The following UMOD variants were observed in gnomAD, a reference collection of about 807,000 sequenced individuals.
The protein encoded by UMOD is uromodulin, also known as Tamm-Horsfall urinary glycoprotein.
Under a neutral mutation model 66.0 loss-of-function variants are expected in UMOD, and 64 were observed. That is an observed-to-expected ratio of 0.97 (90% CI 0.79 to 1.19). The LOEUF (loss-of-function observed/expected upper bound fraction) is 1.19. UMOD is among the 50% of genes most tolerant of loss of function. The probability of loss-of-function intolerance (pLI) is 0.00; values close to 1 mark genes in which losing one functional copy is unlikely to be tolerated. For synonymous variants in UMOD, 398 were observed against 352.7 expected, an observed-to-expected ratio of 1.13 and a Z score of -1.44; for missense variants, 764 against 850.9, an observed-to-expected ratio of 0.90 and a Z score of 1.27.
Position 20,337,436 on chromosome 16 carries a change from T to A in UMOD, c.1595A>T (p.Asp532Val). ...IIQDRCPHTRDSTIQVVENGE... is the reference protein window; with the variant it reads ...IIQDRCPHTRVSTIQVVENGE... ...ATTCTCCACCACTTGGATAGTTGAG[T>A]CTCTAGTGTGTGGGCATCTGGGAGG... Residue 532 changes from aspartate (D) to valine (V), a missense_variant, in exon 8 of 11, where the codon GAC (aspartate) becomes GTC (valine). Coordinates refer to ENST00000396138, the MANE Select transcript of UMOD (RefSeq NM_003361.4). 1 of 1,614,108 alleles carries A rather than the reference T, an allele frequency of 6.2e-7. No homozygotes were observed. Among genetic ancestry groups the A allele is most frequent in the Non-Finnish European group, 8.5e-7 (1 of 1,180,032 alleles).
chr16:20,340,991 CAAAAAA>C (rs560216745), intron 7 of UMOD, 94 bp downstream of exon 7: 46 of 1,029,004 alleles, frequency 4.5e-5, no homozygotes, highest in African/African-American at 7.3e-5. Flanking sequence ...AAGACTCTGT[CAAAAAA>C]AAAAAAAAAA....
chr16:20,350,889 A>C, intron 1 of UMOD, 50 bp from the exon 2 acceptor site: 2 of 1,495,844 alleles, frequency 1.3e-6, no homozygotes, highest in Non-Finnish European at 1.8e-6. Flanking sequence ...TCTCCTCCCC[A>C]CAGCTGGAAG....
At chr16:20,349,390 C>T (rs1436277912) in intron 2 of UMOD, among the ~76,000 whole-genome samples, 178 bp from the exon 3 acceptor site, 2 of 152,226 alleles carry the variant, frequency 1.3e-5, no homozygotes, top group Non-Finnish European at 2.9e-5. Context: ...CAAGCCTCCA[C>T]CGTTCATTCT....
chr16:20,340,730 C>T (rs560490893), intron 7 of UMOD, among the ~76,000 whole-genome samples: 4 of 151,966 alleles, frequency 2.6e-5, no homozygotes, highest in African/African-American at 4.8e-5. Flanking sequence ...CGTGGTGGCT[C>T]ACACCTGTAA....
At chr16:20,355,102 T>G (rs1343513360), upstream of UMOD, among the ~76,000 whole-genome samples, 1 of 152,268 alleles carries the variant, frequency 6.6e-6, no homozygotes, top group Non-Finnish European at 1.5e-5. Flanking sequence ...TCCCTTGCTC[T>G]CTTTGCTTCC....
chr16:20,349,466 C>A (rs1965781563), intron 2 of UMOD, among the ~76,000 whole-genome samples: 1 of 152,152 alleles, frequency 6.6e-6, no homozygotes, highest in South Asian at 2.1e-4. Flanking sequence ...CTCTGTCGCC[C>A]AGGCTGGAGT....
At chr16:20,352,389 C>T (rs1038752054) in intron 1 of UMOD, among the ~76,000 whole-genome samples, 4 of 152,122 alleles carry the variant, frequency 2.6e-5, no homozygotes, top group African/African-American at 4.8e-5. Context: ...TGACATATGT[C>T]GAGCAGGGCC....
At chr16:20,344,276 A>G in intron 5 of UMOD, 104 bp from the exon 6 acceptor site, 2 of 1,171,314 alleles carry the variant, frequency 1.7e-6, no homozygotes, top group Non-Finnish European at 2.5e-6. Flanking sequence ...ATGTCTGGCT[A>G]CTTGTGAGCC....
rs1485153071 is a variant in UMOD at position 20,348,830 on chromosome 16, C to T, written c.471G>A (p.Pro157=). 2.6e-6 allele frequency: 4 copies of T among 1,546,718 alleles called. No homozygotes were observed. Among genetic ancestry groups the T allele is most frequent in the Non-Finnish European group, 3.5e-6 (4 of 1,146,930 alleles). Residue 157 remains proline, a synonymous_variant, in exon 3 of 11, where the codon CCG becomes CCA. Transcript: ENST00000396138. ...CGCCCTCGGGCACGCAGTCCAACCC[C>T]GGCCCGCAGGAGCCCGGGGAGCACT... ...HCECSPGSCG[P]GLDCVPEGDA...
At chr16:20,340,008 TC>T (rs1448546519) in intron 7 of UMOD, among the ~76,000 whole-genome samples, 1 of 152,130 alleles carries the variant, frequency 6.6e-6, no homozygotes, top group Non-Finnish European at 1.5e-5. Context: ...GTCTTACTCC[TC>T]CCCCAGGTGC....
At chr16:20,339,887 G>A (rs1354613802) in intron 7 of UMOD, among the ~76,000 whole-genome samples, 3 of 152,126 alleles carry the variant, frequency 2.0e-5, no homozygotes, top group East Asian at 1.9e-4. Flanking sequence ...TTATGAACGA[G>A]AAAGTGAATC....
chr16:20,350,732 C>A lies in UMOD; in HGVS notation c.6G>T (p.Gly2=), dbSNP rs772156286. The change falls in exon 2 of 11, where the codon GGG becomes GGT. Residue 2 remains glycine (G), a synonymous_variant. Transcript: ENST00000396138. M[G]QPSLTWMLMV... ...TCAGCATCCAAGTCAGAGATGGCTG[C>A]CCCATCCTTTCTGCTCTTCCCGCTA... 10 of 1,614,056 alleles carry A rather than the reference C, an allele frequency of 6.2e-6. No individual in the cohort carries two copies. Among genetic ancestry groups the A allele is most frequent in the Non-Finnish European group, 8.5e-6 (10 of 1,180,030 alleles).
At chr16:20,335,617 C>T (rs1964827773) in intron 9 of UMOD, 97 bp from the exon 10 acceptor site, 1 of 1,245,766 alleles carries the variant, frequency 8.0e-7, no homozygotes, top group Admixed American at 1.8e-5. Flanking sequence ...CACTTCGCAG[C>T]CAGACTGATC....
chr16:20,348,143 A>G (rs1232399958), intron 4 of UMOD, 80 bp downstream of exon 4: 3 of 1,293,716 alleles, frequency 2.3e-6, no homozygotes, highest in Non-Finnish European at 3.3e-6. Flanking sequence ...TATGGCCCCA[A>G]TCTCACAGGG....
chr16:20,335,662 T>G, intron 9 of UMOD, 142 bp from the exon 10 acceptor site: 1 of 786,414 alleles, frequency 1.3e-6, no homozygotes. Flanking sequence ...GTTACTCCCC[T>G]ACTTCAGACC....
chr16:20,336,789 C>T (rs1964898347), intron 8 of UMOD, 62 bp from the exon 9 acceptor site: 13 of 1,499,864 alleles, frequency 8.7e-6, no homozygotes, highest in South Asian at 4.6e-5. Context: ...GGTTCTGCCA[C>T]GTGGAGTGGA....
chr16:20,349,558 A>T (rs1965786563), intron 2 of UMOD: 1 of 1,035,488 alleles, frequency 9.7e-7, no homozygotes, highest in African/African-American at 1.6e-5. Flanking sequence ...CCACCACCGC[A>T]CCCTGCCTCA....
At position 20,345,933 on chromosome 16, in the gene UMOD, C is replaced by T. The variant is rs12934320; in HGVS notation, c.1182+193G>A. 0.16 allele frequency among the ~76,000 whole-genome samples: 23,752 copies of T among 152,198 alleles called. 2,021 individuals are homozygous for T. The highest frequency in any genetic ancestry group is 0.2 in the Middle Eastern group (58 of 292). On this transcript the variant is annotated intron_variant, in intron 5 of 10. Transcript: ENST00000396138. ...TGTGCAGTCACTGTCCTAATCACTTCAACACATTAACTCATTCAATCCTCT... is the reference window on the plus strand; with the variant it reads ...TGTGCAGTCACTGTCCTAATCACTTTAACACATTAACTCATTCAATCCTCT...
At position 20,333,287 on chromosome 16, in the gene UMOD, A is replaced by G. The variant is rs1261487713; in HGVS notation, c.*27T>C. On this transcript the variant is annotated 3_prime_UTR_variant, in exon 11 of 11. Coordinates refer to ENST00000396138, the MANE Select transcript of UMOD (RefSeq NM_003361.4). ...CCCAGCAGGAGGTGAGATGGCAGCCATGGAGCACAGGGCTTTCCGCTGTCA... is the reference window on the plus strand; with the variant it reads ...CCCAGCAGGAGGTGAGATGGCAGCCGTGGAGCACAGGGCTTTCCGCTGTCA... 1.9e-6 allele frequency: 3 copies of G among 1,609,492 alleles called. No individual in the cohort carries two copies. The highest frequency in any genetic ancestry group is 1.3e-5 in the African/African-American group (1 of 74,974).
Sources: allele counts gnomAD v4.1 joint callset (sites outside exome capture counted in the v4.1 genomes callset), GRCh38; gene constraint gnomAD v4.1.1; transcripts MANE v1.5; gene names NCBI Gene and HGNC (gene_info 2026-07-23, HGNC 2026-07-21).